Variants in SETX observed in about 807,000 individuals in gnomAD.
SETX encodes the protein helicase senataxin.
In SETX, 90 loss-of-function variants were observed where a neutral mutation model predicts 227.2. The observed-to-expected ratio is 0.40, with a 90% CI of 0.33 to 0.47. SETX has a LOEUF of 0.47. Ranked by LOEUF, SETX falls within the 20% of genes least tolerant of loss-of-function variation. SETX has a pLI of 0.91. For synonymous variants in SETX, 1,210 were observed against 1,113.2 expected (o/e 1.09, Z -1.73); for missense variants, 3,052 against 3,181.5 (o/e 0.96, Z 0.98).
chr9:132,289,746 T>C (rs1303665242), intron 15 of SETX, among the ~76,000 whole-genome samples: 2 of 152,246 alleles, frequency 1.3e-5, no homozygotes, highest in Non-Finnish European at 2.9e-5. Flanking sequence ...CACAAGATGA[T>C]AGAAATTCTT....
chr9:132,296,944 T>C lies in SETX; in HGVS notation c.5892A>G (p.Pro1964=), dbSNP rs1844707982. The change falls in exon 14 of 26, where the codon CCA becomes CCG. Residue 1964 remains proline (P), a synonymous_variant. Coordinates refer to ENST00000224140, the MANE Select transcript of SETX (RefSeq NM_015046.7). ...SVAKICLIHG[P]PGTGKSKTIV... ...TAGTTTTTGATTTTCCTGTTCCAGG[T>C]GGTCCATGAATCAAGCAGATTTTGG... is the stretch of plus-strand genomic sequence containing the variant. 2 of 1,614,100 alleles carry C rather than the reference T, an allele frequency of 1.2e-6. No homozygotes were observed. Among genetic ancestry groups the C allele is most frequent in the Non-Finnish European group, 1.7e-6 (2 of 1,180,006 alleles).
At chr9:132,269,417 G>A in intron 25 of SETX, 198 bp downstream of exon 25, 1 of 1,567,498 alleles carries the variant, frequency 6.4e-7, no homozygotes, top group Non-Finnish European at 8.7e-7. Context: ...AGAGCCCAGT[G>A]TAGATACTTG....
intron 20 of SETX, among the ~76,000 whole-genome samples, chr9:132,278,542 C>T (rs1843313406): frequency 2.7e-5 from 4 of 146,692 alleles, no homozygotes; most frequent in African/African-American, 1.0e-4. Flanking sequence ...GCATCCTTCA[C>T]CTCCCAGGTT....
chr9:132,274,704 C>T (rs1389818665), intron 23 of SETX, among the ~76,000 whole-genome samples: 1 of 152,018 alleles, frequency 6.6e-6, no homozygotes, highest in Non-Finnish European at 1.5e-5. Context: ...CCTCAGCCTC[C>T]CAAAGTGCTG....
At chr9:132,337,829 G>A (rs1847721574) in intron 5 of SETX, among the ~76,000 whole-genome samples, 1 of 152,158 alleles carries the variant, frequency 6.6e-6, no homozygotes, top group African/African-American at 2.4e-5. Context: ...AAATTTAGGA[G>A]ATCTTGATGA....
chr9:132,353,610 T>C (rs746802082), intron 2 of SETX, 39 bp downstream of exon 2: 4 of 140,966 alleles, frequency 2.8e-5, no homozygotes, highest in Non-Finnish European at 6.3e-5. Flanking sequence ...TGCACTTACC[T>C]TGGTGCTCTG....
At chr9:132,282,671 G>C (rs1451033444) in intron 19 of SETX, 2 of 161,712 alleles carry the variant, frequency 1.2e-5, no homozygotes, top group African/African-American at 4.8e-5. Context: ...TTTCTTCCTT[G>C]TTCCTCAGCA....
In SETX at chr9:132,331,323, C is replaced by T. The variant is rs540348550; in HGVS notation, c.964G>A (p.Ala322Thr). The T allele has an allele frequency of 5.6e-6, 9 of 1,614,002 alleles. No individual in the cohort carries two copies. The highest frequency in any genetic ancestry group is 4.4e-5 in the South Asian group (4 of 91,060). Residue 322 changes from alanine (A) to threonine (T), a missense_variant, in exon 8 of 26, where the codon GCA becomes ACA. Around this residue, in one of 10 missense-constraint regions of SETX, gnomAD observed 239 missense variants for 240.8 expected, o/e 0.99. Coordinates refer to ENST00000224140, the MANE Select transcript of SETX (RefSeq NM_015046.7). ...TGTCGGATCTCTCTATTGTAGCTTG[C>T]GTTGTTGATAATGGTTTGAAATGCC... is the stretch of plus-strand genomic sequence containing the variant. ...IVAFQTIINN[A>T]SYNREIRHIR...
chr9:132,284,374 A>G (rs1465803397), intron 18 of SETX, among the ~76,000 whole-genome samples: 1 of 152,254 alleles, frequency 6.6e-6, no homozygotes, highest in South Asian at 2.1e-4. Flanking sequence ...TTTAGTTTAA[A>G]TAAACTGCTA....
chr9:132,327,146 C>T lies in SETX; in HGVS notation c.4452G>A (p.Glu1484=), dbSNP rs1846849118. 1.2e-6 allele frequency: 2 copies of T among 1,614,012 alleles called. No homozygotes were observed. The highest frequency in any genetic ancestry group is 1.1e-5 in the South Asian group (1 of 91,082). Residue 1484 remains glutamate (E), a synonymous_variant, in exon 10 of 26, where the codon GAG becomes GAA. Transcript: ENST00000224140. ...CCTCTGCATCACTGCTGGAGTCAGG[C>T]TCTCCTTCTTTCAAAGCTGCCATCT... is the stretch of plus-strand genomic sequence containing the variant. ...HIEMAALKEG[E]PDSSSDAEED...
At chr9:132,284,369 T>C (rs185527442) in intron 18 of SETX, among the ~76,000 whole-genome samples, 197 of 152,360 alleles carry the variant, frequency 1.3e-3, no homozygotes, top group Non-Finnish European at 1.1e-3. Context: ...TAACTTTTAG[T>C]TTAAATAAAC....
At chr9:132,283,072 G>A in intron 19 of SETX, 192 bp downstream of exon 19, 1 of 697,552 alleles carries the variant, frequency 1.4e-6, no homozygotes, top group East Asian at 2.9e-5. Context: ...CCCCAATACT[G>A]GAAAATCCAC....
At chr9:132,298,663 G>C (rs1235527802) in intron 12 of SETX, among the ~76,000 whole-genome samples, 1 of 152,178 alleles carries the variant, frequency 6.6e-6, no homozygotes, top group Non-Finnish European at 1.5e-5. Flanking sequence ...GGAGTAAACA[G>C]TACTCAGCAG....
At chr9:132,325,809 G>A (rs1369815428) in intron 10 of SETX, among the ~76,000 whole-genome samples, 2 of 151,472 alleles carry the variant, frequency 1.3e-5, no homozygotes, top group Non-Finnish European at 2.9e-5. Context: ...GCGCAGGCCT[G>A]TAATCTCAGC....
intron 10 of SETX, among the ~76,000 whole-genome samples, chr9:132,314,877 AATTATTATT>A (rs201618792): frequency 6.7e-6 from 1 of 148,446 alleles, no homozygotes; most frequent in Non-Finnish European, 1.5e-5. Flanking sequence ...CTTTAAAAAA[AATTATTATT>A]ATTATTATTA....
intron 23 of SETX, among the ~76,000 whole-genome samples, chr9:132,274,596 C>G (rs1843065350): frequency 6.6e-6 from 1 of 151,870 alleles, no homozygotes; most frequent in Non-Finnish European, 1.5e-5. Flanking sequence ...AGCGCGCCAC[C>G]ACGCCTGGCT....
intron 25 of SETX, among the ~76,000 whole-genome samples, chr9:132,267,980 T>C (rs1033313504): frequency 6.6e-6 from 1 of 152,200 alleles, no homozygotes; most frequent in Non-Finnish European, 1.5e-5. Context: ...AAAAGATGTA[T>C]CTCTAGCAAC....
chr9:132,311,499 CCT>C lies in SETX; in HGVS notation c.5374+256_5374+257del, dbSNP rs1234512938. On this transcript the variant is annotated intron_variant, in intron 11 of 25. Transcript: ENST00000224140. ...ACCCCCACCAAATCCCTCCACTCACCCTCTCTCCCATTCCCAGCCCCCACTGA... is the reference window on the plus strand; with the variant it reads ...ACCCCCACCAAATCCCTCCACTCACCCTCTCCCATTCCCAGCCCCCACTGA... Among the ~76,000 whole-genome samples, 7 of 151,998 alleles carry C rather than the reference CCT, an allele frequency of 4.6e-5. 1 individual carries two copies. Among genetic ancestry groups the C allele is most frequent in the Admixed American group, 1.3e-4 (2 of 15,264 alleles).
chr9:132,326,561 G>A lies in SETX; in HGVS notation c.5037C>T (p.Ser1679=), dbSNP rs775012739. The change falls in exon 10 of 26, where the codon AGC becomes AGT. Residue 1679 remains serine, a synonymous_variant. Transcript: ENST00000224140. ...RQGCKVPFGE[S]KYFPSSSPVN... Reference sequence around the variant, plus strand: ...CTGGAGAGGAAGATGGAAAATATTTGCTTTCACCAAATGGAACTTTGCAAC... The same window carrying A: ...CTGGAGAGGAAGATGGAAAATATTTACTTTCACCAAATGGAACTTTGCAAC... 1 of 1,614,184 alleles carries A rather than the reference G, an allele frequency of 6.2e-7. No individual in the cohort carries two copies. The highest frequency in any genetic ancestry group is 1.1e-5 in the South Asian group (1 of 91,084).
Sources: allele counts gnomAD v4.1 joint callset (sites outside exome capture counted in the v4.1 genomes callset), GRCh38; gene constraint gnomAD v4.1.1; regional missense constraint gnomAD v4.1.1; transcripts MANE v1.5; gene names NCBI Gene and HGNC (gene_info 2026-07-23, HGNC 2026-07-21).